Variants in L3MBTL4 observed in about 807,000 individuals in gnomAD.
L3MBTL4 encodes the protein lethal(3)malignant brain tumor-like protein 4.
A neutral mutation model predicts 84.5 loss-of-function variants in L3MBTL4; 70 were observed. The observed-to-expected ratio is 0.83, with a 90% CI of 0.68 to 1.01. The LOEUF (loss-of-function observed/expected upper bound fraction) is 1.01. L3MBTL4 is among the 50% of genes least tolerant of loss of function. The pLI is 0.00. For missense variants in L3MBTL4, 715 were observed against 754.8 expected (o/e 0.95, Z 0.62); for synonymous variants, 274 against 259.8 (o/e 1.05, Z -0.52).
At chr18:6,244,282 G>A (rs1161500094) in intron 6 of L3MBTL4, among the ~76,000 whole-genome samples, 2 of 152,130 alleles carry the variant, frequency 1.3e-5, no homozygotes, top group African/African-American at 2.4e-5. Context: ...AATGCTAGTT[G>A]ATGAAGGACT....
chr18:6,379,487 T>C (rs1398737050), intron 1 of L3MBTL4, among the ~76,000 whole-genome samples: 1 of 152,242 alleles, frequency 6.6e-6, no homozygotes, highest in Non-Finnish European at 1.5e-5. Flanking sequence ...TTGATATATG[T>C]TCCATCGATA....
intron 4 of L3MBTL4, among the ~76,000 whole-genome samples, chr18:6,265,374 C>T (rs1179458190): frequency 2.6e-5 from 4 of 152,098 alleles, no homozygotes; most frequent in Admixed American, 2.0e-4. Context: ...CATTCTACTC[C>T]CCAGTACTTC....
chr18:6,119,725 C>T (rs1454217785), intron 14 of L3MBTL4, among the ~76,000 whole-genome samples: 1 of 152,140 alleles, frequency 6.6e-6, no homozygotes, highest in African/African-American at 2.4e-5. Context: ...AGGTTTAATT[C>T]AAGGTAAAAG....
intron 14 of L3MBTL4, among the ~76,000 whole-genome samples, chr18:6,114,083 G>C (rs2059281933): frequency 1.3e-5 from 2 of 152,066 alleles, no homozygotes; most frequent in Admixed American, 1.3e-4. Context: ...AACACACACA[G>C]ACACACACAC....
intron 4 of L3MBTL4, among the ~76,000 whole-genome samples, chr18:6,274,810 T>G (rs1323949981): frequency 6.6e-6 from 1 of 152,184 alleles, no homozygotes; most frequent in East Asian, 1.9e-4. Context: ...CGATTTGAGA[T>G]AGCTCTCCCT....
At chr18:6,023,247 G>T (rs976266398) in intron 16 of L3MBTL4, among the ~76,000 whole-genome samples, 2 of 152,238 alleles carry the variant, frequency 1.3e-5, no homozygotes, top group African/African-American at 4.8e-5. Context: ...GCTCTCATTA[G>T]CTTTGGAGAT....
intron 13 of L3MBTL4, among the ~76,000 whole-genome samples, chr18:6,150,965 G>C (rs75545643): frequency 6.6e-6 from 1 of 152,170 alleles, no homozygotes; most frequent in African/African-American, 2.4e-5. Flanking sequence ...GCCAGGGACC[G>C]CACGGAGTGC....
intron 1 of L3MBTL4, among the ~76,000 whole-genome samples, chr18:6,359,557 T>C (rs142902625): frequency 2.5e-4 from 38 of 152,106 alleles, no homozygotes; most frequent in African/African-American, 8.7e-4. Context: ...CACAGATAAC[T>C]CTTAGAAGAG....
At chr18:6,249,196 C>T (rs1001963456) in intron 5 of L3MBTL4, among the ~76,000 whole-genome samples, 3 of 152,092 alleles carry the variant, frequency 2.0e-5, no homozygotes, top group African/African-American at 2.4e-5. Flanking sequence ...TATACAAATA[C>T]ACATGCACAC....
intron 17 of L3MBTL4, among the ~76,000 whole-genome samples, chr18:5,965,234 T>C (rs1161713344): frequency 6.6e-6 from 1 of 152,190 alleles, no homozygotes; most frequent in African/African-American, 2.4e-5. Context: ...GAGACAGCCA[T>C]AGTAACAAAG....
rs1256750095 is a variant in L3MBTL4 at position 6,302,090 on chromosome 18, C to A, written c.73-133G>T. 11 of 783,894 alleles carry A rather than the reference C, an allele frequency of 1.4e-5. No individual in the cohort carries two copies. The Admixed American group carries it at 1.8e-4, about 13-fold the overall frequency. 48.6% of individuals were successfully genotyped at this position (783,894 alleles called of 1,614,324 possible). On this transcript the variant is annotated intron_variant, in intron 3 of 18. Transcript: ENST00000317931. ...CTGAGGCGGACAACGCACACAATAC[C>A]CAGAGTCTTCCGGTGGGTGCCCAGG... is the stretch of plus-strand genomic sequence containing the variant.
chr18:6,030,252 A>T, intron 16 of L3MBTL4: 1 of 957,196 alleles, frequency 1.0e-6, no homozygotes, highest in South Asian at 4.8e-5. Flanking sequence ...GTTCAGGGAG[A>T]GATACCCCCT....
intron 16 of L3MBTL4, chr18:6,031,847 C>T (rs1272708229): frequency 1.5e-5 from 15 of 983,548 alleles, no homozygotes; most frequent in South Asian, 4.7e-5. Flanking sequence ...ATTTAGCAGG[C>T]ACAAGTACAG....
chr18:6,009,270 T>C (rs2054626941), intron 16 of L3MBTL4, among the ~76,000 whole-genome samples: 1 of 152,142 alleles, frequency 6.6e-6, no homozygotes, highest in Admixed American at 6.5e-5. Flanking sequence ...TAGGTGTTAG[T>C]AGCACCATGT....
At chr18:6,300,019 C>T (rs530824921) in intron 4 of L3MBTL4, among the ~76,000 whole-genome samples, 5 of 151,968 alleles carry the variant, frequency 3.3e-5, no homozygotes, top group South Asian at 2.1e-4. Context: ...ACTATGTGTA[C>T]ATACACAGTT....
chr18:5,981,901 G>A lies in L3MBTL4; in HGVS notation c.1445-12339C>T, dbSNP rs915965644. On this transcript the variant is annotated intron_variant, in intron 16 of 18. Coordinates refer to ENST00000317931, the MANE Select transcript of L3MBTL4 (RefSeq NM_001330559.2). ...TTCTCTTCTAGAATAAATATCTCCC[G>A]ATGCAACATGCACAGACACTGTATC... is the stretch of plus-strand genomic sequence containing the variant. Among the ~76,000 whole-genome samples, 8 of 150,878 alleles carry A rather than the reference G, an allele frequency of 5.3e-5. No homozygotes were observed. In the South Asian group the frequency reaches 6.3e-4, roughly 12 times the overall value.
chr18:6,358,792 C>T (rs1323115430), intron 1 of L3MBTL4, among the ~76,000 whole-genome samples: 5 of 152,188 alleles, frequency 3.3e-5, no homozygotes, highest in Non-Finnish European at 7.3e-5. Flanking sequence ...GAGGCCAGTT[C>T]CCTGAAGCAA....
chr18:6,320,646 T>C (rs2051355676), intron 1 of L3MBTL4, among the ~76,000 whole-genome samples: 1 of 152,028 alleles, frequency 6.6e-6, no homozygotes, highest in South Asian at 2.1e-4. Flanking sequence ...AGGATCAATA[T>C]CATGAAAATG....
intron 4 of L3MBTL4, among the ~76,000 whole-genome samples, chr18:6,290,676 C>T (rs141352278): frequency 6.6e-6 from 1 of 152,196 alleles, no homozygotes; most frequent in African/African-American, 2.4e-5. Context: ...TACAGGCATA[C>T]ACCACCATGC....
Sources: gnomAD v4.1 joint callset for allele counts (sites outside exome capture counted in the v4.1 genomes callset) on GRCh38, gnomAD v4.1.1 for gene constraint, MANE v1.5 for transcripts, NCBI Gene and HGNC (gene_info 2026-07-23, HGNC 2026-07-21) for gene names.